ANO3: variants seen among roughly 807,000 people sequenced by gnomAD.
The protein encoded by ANO3 is anoctamin 3, also known as anoctamin-3.
A neutral mutation model predicts 144.8 loss-of-function variants in ANO3; 99 were observed. That is an observed-to-expected ratio of 0.68 (90% confidence interval 0.58 to 0.81). ANO3 has a LOEUF of 0.81. Among genes scored for constraint, ANO3 ranks in the 30% least tolerant of loss-of-function variants. The pLI, the probability that ANO3 is intolerant of heterozygous loss-of-function variation, is 0.00. For missense variants in ANO3, 905 were observed against 1,202.2 expected, an observed-to-expected ratio of 0.75 and a Z score of 3.66; for synonymous variants, 414 against 392.6, an observed-to-expected ratio of 1.05 and a Z score of -0.64.
At chr11:26,654,434 A>C (rs1853622874) in intron 24 of ANO3, among the ~76,000 whole-genome samples, 2 of 152,012 alleles carry the variant, frequency 1.3e-5, no homozygotes, top group Non-Finnish European at 2.9e-5. Context: ...AGTATATAGA[A>C]ATATTTTTCT....
At chr11:26,524,651 T>C (rs1849118321) in intron 6 of ANO3, among the ~76,000 whole-genome samples, 2 of 152,270 alleles carry the variant, frequency 1.3e-5, no homozygotes, top group Admixed American at 1.3e-4. Context: ...ATTTAAGAGA[T>C]GAATTAATTC....
intron 1 of ANO3, among the ~76,000 whole-genome samples, chr11:26,416,966 A>G (rs1188935176): frequency 1.3e-5 from 2 of 152,092 alleles, no homozygotes; most frequent in Non-Finnish European, 2.9e-5. Flanking sequence ...TTTCAGCTTC[A>G]ACTTCACAAG....
intron 1 of ANO3, among the ~76,000 whole-genome samples, chr11:26,403,921 A>G (rs1341956800): frequency 2.0e-5 from 3 of 151,746 alleles, no homozygotes; most frequent in Non-Finnish European, 4.4e-5. Context: ...TTCCCATTTC[A>G]TTCAGATTTT....
intron 22 of ANO3, 148 bp from the exon 23 acceptor site, chr11:26,643,034 T>C (rs1321811364): frequency 8.8e-6 from 6 of 684,128 alleles, no homozygotes; most frequent in Non-Finnish European, 1.5e-5. Flanking sequence ...AATTAACATA[T>C]ATGAAATAAG....
chr11:26,437,780 CAT>C (rs1858347795), intron 1 of ANO3, among the ~76,000 whole-genome samples: 1 of 152,160 alleles, frequency 6.6e-6, no homozygotes, highest in Admixed American at 6.5e-5. Flanking sequence ...TAAGTGAGAA[CAT>C]ACATAAGTCT....
At chr11:26,597,969 CTG>C (rs1851685485) in intron 14 of ANO3, among the ~76,000 whole-genome samples, 1 of 152,192 alleles carries the variant, frequency 6.6e-6, no homozygotes, top group Non-Finnish European at 1.5e-5. Flanking sequence ...CACCATCTCT[CTG>C]TAAGCTCTGG....
At chr11:26,436,246 A>C (rs758420238) in intron 1 of ANO3, among the ~76,000 whole-genome samples, 4 of 152,214 alleles carry the variant, frequency 2.6e-5, no homozygotes, top group Non-Finnish European at 5.9e-5. Context: ...AGCAAGGGCT[A>C]GTGCTGTGAG....
intron 10 of ANO3, among the ~76,000 whole-genome samples, chr11:26,541,722 AT>A (rs1849649018): frequency 6.6e-6 from 1 of 152,156 alleles, no homozygotes; most frequent in South Asian, 2.1e-4. Flanking sequence ...GTTCCATTGT[AT>A]TTTTTAAGTA....
At chr11:26,467,574 C>T (rs1393617746) in intron 4 of ANO3, among the ~76,000 whole-genome samples, 1 of 151,808 alleles carries the variant, frequency 6.6e-6, no homozygotes, top group East Asian at 1.9e-4. Flanking sequence ...AGCATAATGA[C>T]CTCCAGTTCC....
At chr11:26,218,154 C>T (rs1416360442) in intron 1 of ANO3, among the ~76,000 whole-genome samples, 1 of 152,040 alleles carries the variant, frequency 6.6e-6, no homozygotes, top group Non-Finnish European at 1.5e-5. Flanking sequence ...AATGGAAATA[C>T]AGTTTATGAA....
At chr11:26,385,419 C>T (rs1856696093) in intron 1 of ANO3, among the ~76,000 whole-genome samples, 1 of 152,158 alleles carries the variant, frequency 6.6e-6, no homozygotes, top group South Asian at 2.1e-4. Context: ...ATTAGACTCA[C>T]TGGACTAAAG....
intron 1 of ANO3, among the ~76,000 whole-genome samples, chr11:26,266,596 G>A (rs564523023): frequency 7.3e-5 from 11 of 151,598 alleles, no homozygotes; most frequent in African/African-American, 2.4e-4. Flanking sequence ...ACCAAACCCC[G>A]GCTAATTTTT....
intron 1 of ANO3, among the ~76,000 whole-genome samples, chr11:26,333,504 C>A (rs767676104): frequency 6.6e-6 from 1 of 152,016 alleles, no homozygotes. Flanking sequence ...GGATGGCCTC[C>A]ATCTCCTGAC....
At chr11:26,595,096 A>AC (rs1851570749) in intron 14 of ANO3, among the ~76,000 whole-genome samples, 1 of 152,158 alleles carries the variant, frequency 6.6e-6, no homozygotes. Context: ...TTTTCCAATG[A>AC]GCTTTAGTCC....
chr11:26,556,863 T>C (rs1850096777), intron 13 of ANO3, among the ~76,000 whole-genome samples: 1 of 152,156 alleles, frequency 6.6e-6, no homozygotes, highest in Non-Finnish European at 1.5e-5. Flanking sequence ...AGGCACCTTG[T>C]TCTCCTTATC....
At chr11:26,636,101 G>A (rs1238057646) in intron 20 of ANO3, among the ~76,000 whole-genome samples, 1 of 152,166 alleles carries the variant, frequency 6.6e-6, no homozygotes, top group Non-Finnish European at 1.5e-5. Flanking sequence ...TCAGGAAGCT[G>A]AGGTGGGAAG....
chr11:26,395,466 G>A (rs561642399), intron 1 of ANO3, among the ~76,000 whole-genome samples: 2 of 152,066 alleles, frequency 1.3e-5, no homozygotes, highest in Non-Finnish European at 2.9e-5. Flanking sequence ...GCAGTGGTTT[G>A]TAGTTCTCCT....
At chr11:26,502,240 A>G (rs1861226729) in intron 4 of ANO3, among the ~76,000 whole-genome samples, 1 of 152,136 alleles carries the variant, frequency 6.6e-6, no homozygotes, top group Non-Finnish European at 1.5e-5. Flanking sequence ...GATTTTTTTT[A>G]GTTAAAATAG....
chr11:26,220,114 T>A (rs576651611), intron 1 of ANO3, among the ~76,000 whole-genome samples: 1 of 152,318 alleles, frequency 6.6e-6, no homozygotes, highest in East Asian at 1.9e-4. Flanking sequence ...CCTCCTACAG[T>A]TCACTCCCTG....
Sources: gnomAD v4.1 joint callset for allele counts (sites outside exome capture counted in the v4.1 genomes callset) on GRCh38, gnomAD v4.1.1 for gene constraint, MANE v1.5 for transcripts, NCBI Gene and HGNC (gene_info 2026-07-23, HGNC 2026-07-21) for gene names.